CTNNA2: variants seen among roughly 807,000 people sequenced by gnomAD.
CTNNA2 encodes catenin alpha-2.
In CTNNA2, 42 loss-of-function variants were observed where a neutral mutation model predicts 101.0. The observed-to-expected ratio is 0.42, with a 90% CI of 0.32 to 0.54. The LOEUF is 0.54. Among genes scored for constraint, CTNNA2 ranks in the 20% least tolerant of loss-of-function variants. The pLI, the probability that CTNNA2 is intolerant of heterozygous loss-of-function variation, is 0.14. For missense variants in CTNNA2, 871 were observed against 1,223.1 expected (o/e 0.71, Z 4.29); for synonymous variants, 450 against 456.4 (o/e 0.99, Z 0.18).
intron 1 of CTNNA2, among the ~76,000 whole-genome samples, chr2:79,584,338 C>T (rs1372332573): frequency 1.3e-5 from 2 of 151,892 alleles, no homozygotes; most frequent in African/African-American, 2.4e-5. Context: ...AAGTATCCAG[C>T]CATAATTAAT....
chr2:80,247,236 A>T (rs1671394702), intron 7 of CTNNA2, among the ~76,000 whole-genome samples: 1 of 152,182 alleles, frequency 6.6e-6, no homozygotes, highest in Non-Finnish European at 1.5e-5. Flanking sequence ...ATCCCTGCTG[A>T]TGTCCAATAG....
At chr2:80,279,049 CGTGTGTGTGTGTGTGTGT>C (rs3219982) in intron 7 of CTNNA2, among the ~76,000 whole-genome samples, 3 of 135,732 alleles carry the variant, frequency 2.2e-5, no homozygotes, top group African/African-American at 8.3e-5. Flanking sequence ...ATGACTTTTA[CGTGTGTGTGTGTGTGTGT>C]GTGTGTGTGT....
At chr2:79,266,313 C>T (rs1674985842) in intron 2 of CTNNA2, among the ~76,000 whole-genome samples, 1 of 152,160 alleles carries the variant, frequency 6.6e-6, no homozygotes, top group African/African-American at 2.4e-5. Flanking sequence ...AACAAATTCC[C>T]CAACTCCTCC....
intron 9 of CTNNA2, among the ~76,000 whole-genome samples, chr2:80,480,464 A>G (rs975159163): frequency 1.3e-5 from 2 of 152,090 alleles, no homozygotes; most frequent in African/African-American, 2.4e-5. Flanking sequence ...CCCAATTCCT[A>G]TGTTTATCTC....
chr2:80,415,269 A>G (rs1223324019), intron 8 of CTNNA2, among the ~76,000 whole-genome samples: 1 of 152,058 alleles, frequency 6.6e-6, no homozygotes, highest in South Asian at 2.1e-4. Context: ...TGGCCATGGG[A>G]GCCTCCTGTT....
At chr2:80,484,331 A>C (rs557176002) in intron 9 of CTNNA2, among the ~76,000 whole-genome samples, 2 of 152,318 alleles carry the variant, frequency 1.3e-5, no homozygotes, top group African/African-American at 2.4e-5. Context: ...ATATGTGGGC[A>C]TGTACCCGAT....
intron 13 of CTNNA2, among the ~76,000 whole-genome samples, chr2:80,578,655 A>G (rs1173830757): frequency 6.6e-6 from 1 of 152,064 alleles, no homozygotes; most frequent in African/African-American, 2.4e-5. Context: ...AAGCTCATCT[A>G]TTTGCCTGGT....
At chr2:80,589,913 C>T (rs79492314) in intron 15 of CTNNA2, among the ~76,000 whole-genome samples, 3,741 of 150,456 alleles carry the variant, frequency 0.025, 63 homozygotes, top group African/African-American at 0.032. Flanking sequence ...TGTGCGCGCG[C>T]GCGCATGTAT....
At chr2:79,255,503 G>A (rs956733741) in intron 2 of CTNNA2, among the ~76,000 whole-genome samples, 1 of 152,174 alleles carries the variant, frequency 6.6e-6, no homozygotes, top group Non-Finnish European at 1.5e-5. Context: ...GTACAGCATG[G>A]CAGAGTTACA....
chr2:80,306,405 TTTCTTTCTTTCTTTC>T (rs1463820015), intron 7 of CTNNA2, among the ~76,000 whole-genome samples: 3 of 53,304 alleles, frequency 5.6e-5, no homozygotes, highest in South Asian at 1.2e-3. Flanking sequence ...TTTTCTTTTC[TTTCTTTCTTTCTTTC>T]TTTCTTTCTT....
intron 9 of CTNNA2, among the ~76,000 whole-genome samples, chr2:80,542,259 A>ACATG (rs1691635944): frequency 6.6e-6 from 1 of 151,386 alleles, no homozygotes; most frequent in Non-Finnish European, 1.5e-5. Context: ...ATGTGTATAT[A>ACATG]TATATTATAG....
chr2:80,612,850 A>G (rs1698576567), intron 17 of CTNNA2: 1 of 151,486 alleles, frequency 6.6e-6, no homozygotes, highest in South Asian at 2.1e-4. Context: ...AGCTATTTCA[A>G]TTTGGGTTTG....
At chr2:80,645,695 C>T (rs750790024) in intron 18 of CTNNA2, among the ~76,000 whole-genome samples, 6 of 152,166 alleles carry the variant, frequency 3.9e-5, no homozygotes, top group Non-Finnish European at 7.4e-5. Context: ...TCATGCTTGG[C>T]TTCTCTCCTG....
At chr2:80,427,043 G>A (rs1033791708) in intron 9 of CTNNA2, among the ~76,000 whole-genome samples, 1 of 152,040 alleles carries the variant, frequency 6.6e-6, no homozygotes, top group Non-Finnish European at 1.5e-5. Context: ...CTTTAGGAAA[G>A]AGATCAGGTC....
At chr2:79,751,582 A>G (rs1339411433) in intron 3 of CTNNA2, among the ~76,000 whole-genome samples, 2 of 130,570 alleles carry the variant, frequency 1.5e-5, no homozygotes, top group Non-Finnish European at 3.2e-5. Flanking sequence ...GGTGATGGAG[A>G]GACTCCATCT....
intron 7 of CTNNA2, among the ~76,000 whole-genome samples, chr2:80,185,844 G>T (rs936716844): frequency 2.6e-5 from 4 of 152,178 alleles, no homozygotes; most frequent in African/African-American, 9.7e-5. Context: ...TAGGTTCTTT[G>T]CATCTTATTA....
At chr2:79,730,851 A>T (rs533470424) in intron 2 of CTNNA2, among the ~76,000 whole-genome samples, 2 of 152,136 alleles carry the variant, frequency 1.3e-5, no homozygotes, top group South Asian at 4.1e-4. Context: ...GGGAGACCAA[A>T]AAATAAATAA....
intron 7 of CTNNA2, among the ~76,000 whole-genome samples, chr2:80,343,518 T>C (rs1210831283): frequency 6.6e-6 from 1 of 152,120 alleles, no homozygotes; most frequent in East Asian, 1.9e-4. Context: ...TCTGGTTTTG[T>C]GTCATTTACT....
chr2:79,336,191 G>C (rs1676990864), intron 3 of CTNNA2, among the ~76,000 whole-genome samples: 1 of 152,152 alleles, frequency 6.6e-6, no homozygotes, highest in South Asian at 2.1e-4. Flanking sequence ...GAAATATTCA[G>C]AAAGATTGCC....
Sources: gnomAD v4.1 joint callset for allele counts (sites outside exome capture counted in the v4.1 genomes callset) on GRCh38, gnomAD v4.1.1 for gene constraint, MANE v1.5 for transcripts, NCBI Gene and HGNC (gene_info 2026-07-23, HGNC 2026-07-21) for gene names.